FRMPD4: variants seen among roughly 807,000 people sequenced by gnomAD.
The protein encoded by FRMPD4 is FERM and PDZ domain containing 4, also known as FERM and PDZ domain-containing protein 4.
FRMPD4 carries 22 observed loss-of-function variants against 94.1 expected under a neutral mutation model. The ratio of observed to expected loss-of-function variants is 0.23; its 90% CI spans 0.17 to 0.33. The LOEUF (loss-of-function observed/expected upper bound fraction) is 0.33. FRMPD4 is among the 10% of genes least tolerant of loss of function. The probability of loss-of-function intolerance (pLI) is 1.00; values close to 1 mark genes in which losing one functional copy is unlikely to be tolerated. For missense variants in FRMPD4, 1,111 were observed against 1,339.9 expected, an observed-to-expected ratio of 0.83 and a Z score of 2.67; for synonymous variants, 631 against 548.6, an observed-to-expected ratio of 1.15 and a Z score of -2.10.
At chrX:12,317,145 C>T (rs1398625373) in intron 1 of FRMPD4, among the ~76,000 whole-genome samples, 2 of 111,478 alleles carry the variant, frequency 1.8e-5, no homozygotes, top group East Asian at 2.8e-4. Context: ...AACAGATTTC[C>T]TTTATTCTGT....
rs1184798552 is a variant in FRMPD4, at chrX:12,654,112, GA to G, written c.423-20742del. The stretch of plus-strand genomic sequence containing the variant: ...ATCCAAGCTTCCTCTTCTTCCAGAT[GA>G]AAAAAAAATGAAACCCACTTGTGTA... On this transcript the variant is annotated intron_variant, in intron 4 of 16. Coordinates refer to ENST00000675598, the MANE Select transcript of FRMPD4 (RefSeq NM_001368397.1). Among the ~76,000 whole-genome samples, 7 of 109,146 alleles carry G rather than the reference GA, an allele frequency of 6.4e-5. No homozygotes were observed. The South Asian group carries it at 1.2e-3, about 18-fold the overall frequency. The allele number at this position is 109,146 out of a possible 115,157, so 94.8% of individuals were successfully genotyped here.
rs775777693 is a variant in FRMPD4 at position 12,311,111 on chromosome X, G to A, written c.41+172099G>A. Among the ~76,000 whole-genome samples the A allele has an allele frequency of 5.4e-5, 6 of 111,359 alleles. No homozygotes were observed. The Admixed American group carries it at 5.7e-4, about 11-fold the overall frequency. On this transcript the variant is annotated intron_variant, in intron 1 of 16. Transcript: ENST00000675598. ...GTCTTATATTTTTTGGCGGGGCAGG[G>A]GGAAAGGGCGCAGAGGAAAGCTGGG... is the stretch of plus-strand genomic sequence containing the variant.
At chrX:12,596,155 C>A (rs2059028785) in intron 2 of FRMPD4, among the ~76,000 whole-genome samples, 2 of 111,183 alleles carry the variant, frequency 1.8e-5, no homozygotes, top group South Asian at 7.6e-4. Flanking sequence ...AGCTCTTTCT[C>A]TGGGTGTCTC....
intron 1 of FRMPD4, among the ~76,000 whole-genome samples, chrX:11,837,466 T>C (rs1007484233): frequency 9.0e-6 from 1 of 111,485 alleles, no homozygotes; most frequent in African/African-American, 3.3e-5. Flanking sequence ...CCTAAGGATG[T>C]GGTAAAAGAA....
intron 1 of FRMPD4, among the ~76,000 whole-genome samples, chrX:12,252,139 T>A (rs1205984237): frequency 8.9e-6 from 1 of 111,884 alleles, no homozygotes; most frequent in Non-Finnish European, 1.9e-5. Context: ...TGTCCCCATT[T>A]GACAGTGAAG....
chrX:12,017,757 T>C (rs748994401), intron 3 of FRMPD4, among the ~76,000 whole-genome samples: 5 of 112,157 alleles, frequency 4.5e-5, no homozygotes, highest in Non-Finnish European at 9.4e-5. Flanking sequence ...AGATGGACTA[T>C]ATGAGGCTCT....
At chrX:11,961,158 T>C (rs957156263) in intron 3 of FRMPD4, among the ~76,000 whole-genome samples, 1 of 112,062 alleles carries the variant, frequency 8.9e-6, no homozygotes, top group African/African-American at 3.2e-5. Flanking sequence ...GGTGCCATAC[T>C]ATGAAACCCT....
At chrX:12,450,879 AAAAAG>A (rs1219908822) in intron 1 of FRMPD4, among the ~76,000 whole-genome samples, 1 of 107,891 alleles carries the variant, frequency 9.3e-6, no homozygotes, top group African/African-American at 3.4e-5. Flanking sequence ...AAAAAAAAAA[AAAAAG>A]AGAGAGAGAA....
At chrX:12,352,876 C>A (rs1464301542) in intron 1 of FRMPD4, among the ~76,000 whole-genome samples, 1 of 112,006 alleles carries the variant, frequency 8.9e-6, no homozygotes, top group African/African-American at 3.3e-5. Context: ...TGTCTTTGCT[C>A]CTGTTGTTAT....
At chrX:12,555,165 C>CA (rs200081447) in intron 2 of FRMPD4, among the ~76,000 whole-genome samples, 64 of 108,015 alleles carry the variant, frequency 5.9e-4, no homozygotes, top group South Asian at 2.0e-3. Context: ...TAGTTTGGGA[C>CA]AAAAAAAAAG....
intron 3 of FRMPD4, among the ~76,000 whole-genome samples, chrX:11,987,116 AAAAAAAAAAAAAAC>A (rs1940878531): frequency 1.0e-5 from 1 of 100,384 alleles, no homozygotes; most frequent in South Asian, 4.7e-4. Flanking sequence ...AAAAAAAAAA[AAAAAAAAAAAAAAC>A]AACTACAGGC....
chrX:12,183,523 C>T (rs2056387402), intron 1 of FRMPD4, among the ~76,000 whole-genome samples: 1 of 111,830 alleles, frequency 8.9e-6, no homozygotes, highest in South Asian at 3.7e-4. Context: ...ATAGCTATTT[C>T]AAGGAAGGAA....
At chrX:11,852,358 C>A (rs2053628184) in intron 1 of FRMPD4, among the ~76,000 whole-genome samples, 1 of 104,792 alleles carries the variant, frequency 9.5e-6, no homozygotes, top group South Asian at 4.4e-4. Flanking sequence ...AGGAGAATTG[C>A]CTGAGCCTTG....
intron 1 of FRMPD4, among the ~76,000 whole-genome samples, chrX:12,483,679 A>T (rs191412560): frequency 7.1e-5 from 8 of 111,915 alleles, no homozygotes; most frequent in Non-Finnish European, 1.5e-4. Context: ...GATCATTCAC[A>T]AAATGCAGAA....
At chrX:12,229,678 G>T (rs780656926) in intron 1 of FRMPD4, among the ~76,000 whole-genome samples, 10 of 111,370 alleles carry the variant, frequency 9.0e-5, no homozygotes, top group Non-Finnish European at 1.3e-4. Context: ...CTTTCTCCCA[G>T]GCGTCCATCA....
chrX:12,292,445 C>T (rs2054704467), intron 1 of FRMPD4, among the ~76,000 whole-genome samples: 1 of 110,770 alleles, frequency 9.0e-6, no homozygotes, highest in East Asian at 2.8e-4. Context: ...AATTCAGTGC[C>T]TCACCCTTAT....
chrX:12,133,038 C>T (rs2055565221), intron 3 of FRMPD4, among the ~76,000 whole-genome samples: 1 of 109,531 alleles, frequency 9.1e-6, no homozygotes, highest in African/African-American at 3.3e-5. Context: ...AAAAAAAATA[C>T]TGATATAGGA....
chrX:12,302,169 T>C (rs187677555), intron 1 of FRMPD4, among the ~76,000 whole-genome samples: 2 of 111,849 alleles, frequency 1.8e-5, no homozygotes, highest in East Asian at 5.6e-4. Context: ...AACAGGAGTC[T>C]GCTATTTGCG....
At chrX:12,122,432 A>G (rs970796262) in intron 3 of FRMPD4, among the ~76,000 whole-genome samples, 1 of 111,547 alleles carries the variant, frequency 9.0e-6, no homozygotes, top group Non-Finnish European at 1.9e-5. Flanking sequence ...ATGGGGAAAG[A>G]GAGAGTGGAA....
Sources: gnomAD v4.1 joint callset for allele counts (sites outside exome capture counted in the v4.1 genomes callset) on GRCh38, gnomAD v4.1.1 for gene constraint, MANE v1.5 for transcripts, NCBI Gene and HGNC (gene_info 2026-07-23, HGNC 2026-07-21) for gene names.